Variants in SLC27A6 observed in about 807,000 individuals in gnomAD.
The protein encoded by SLC27A6 is long-chain fatty acid transport protein 6.
A neutral mutation model predicts 63.9 loss-of-function variants in SLC27A6; 74 were observed. The observed-to-expected ratio is 1.16, with a 90% CI of 0.96 to 1.40. The LOEUF is 1.40. Among genes scored for constraint, SLC27A6 ranks in the 40% most tolerant of loss-of-function variants. SLC27A6 has a pLI of 0.00. For missense variants in SLC27A6, 794 were observed against 732.9 expected (o/e 1.08, Z -0.96); for synonymous variants, 287 against 260.8 (o/e 1.10, Z -0.97).
At chr5:129,006,477 G>GTGTGTGT (rs1462252014) in intron 4 of SLC27A6, among the ~76,000 whole-genome samples, 2 of 151,102 alleles carry the variant, frequency 1.3e-5, no homozygotes, top group African/African-American at 2.4e-5. Flanking sequence ...GTGTGTGTGT[G>GTGTGTGT]TGTGTGTTGT....
chr5:129,019,677 T>A, intron 5 of SLC27A6, among the ~76,000 whole-genome samples: 1 of 150,036 alleles, frequency 6.7e-6, no homozygotes, highest in East Asian at 2.0e-4. Flanking sequence ...AAGAAAAAAA[T>A]AGAGGAAAAA....
chr5:128,994,792 T>G (rs1299300739), intron 4 of SLC27A6, among the ~76,000 whole-genome samples: 1 of 152,198 alleles, frequency 6.6e-6, no homozygotes, highest in Non-Finnish European at 1.5e-5. Context: ...AATGTTTATG[T>G]GTAGTTGCAC....
chr5:129,029,799 A>T, intron 9 of SLC27A6, 92 bp downstream of exon 9: 1 of 1,095,676 alleles, frequency 9.1e-7, no homozygotes, highest in Non-Finnish European at 1.3e-6. Context: ...TTTAGATAAC[A>T]TGTGAGTTAT....
At chr5:128,987,041 A>G (rs1750813738) in intron 2 of SLC27A6, among the ~76,000 whole-genome samples, 1 of 152,206 alleles carries the variant, frequency 6.6e-6, no homozygotes, top group Non-Finnish European at 1.5e-5. Flanking sequence ...AGAAGTCCTG[A>G]GACGTAATTC....
intron 1 of SLC27A6, among the ~76,000 whole-genome samples, chr5:128,969,544 A>G (rs1294547667): frequency 6.6e-6 from 1 of 152,080 alleles, no homozygotes. Flanking sequence ...ATGGGAGATC[A>G]CTCATGATTT....
chr5:128,990,205 T>C (rs1750929968), intron 3 of SLC27A6, 135 bp from the exon 4 acceptor site: 2 of 800,280 alleles, frequency 2.5e-6, no homozygotes, highest in South Asian at 2.0e-5. Context: ...GAGTTTGATA[T>C]AAATTATTGA....
chr5:128,993,779 A>G (rs1025809617), intron 4 of SLC27A6, among the ~76,000 whole-genome samples: 4 of 152,122 alleles, frequency 2.6e-5, no homozygotes, highest in African/African-American at 9.7e-5. Flanking sequence ...AGAACTGAGA[A>G]TTGAAAACAG....
chr5:128,983,521 C>T (rs1012335590), intron 1 of SLC27A6, among the ~76,000 whole-genome samples: 5 of 152,084 alleles, frequency 3.3e-5, no homozygotes, highest in Non-Finnish European at 5.9e-5. Context: ...TCTCGAACTC[C>T]TGACCTCAGG....
intron 1 of SLC27A6, among the ~76,000 whole-genome samples, chr5:128,984,694 C>T (rs987749470): frequency 3.9e-5 from 6 of 152,150 alleles, no homozygotes; most frequent in Admixed American, 2.0e-4. Flanking sequence ...TCAGAGCAGT[C>T]GGGGATTCTC....
At chr5:129,004,508 G>A (rs904663319) in intron 4 of SLC27A6, among the ~76,000 whole-genome samples, 1 of 152,162 alleles carries the variant, frequency 6.6e-6, no homozygotes, top group Non-Finnish European at 1.5e-5. Context: ...GTGTGAGTGT[G>A]TAGGTAGGTT....
chr5:128,979,679 C>G lies in SLC27A6; in HGVS notation c.482-5454C>G, dbSNP rs551131894. 3.3e-5 allele frequency among the ~76,000 whole-genome samples: 5 copies of G among 151,988 alleles called. No homozygotes were observed. In the South Asian group the frequency reaches 1.0e-3, roughly 32 times the overall value. ...TAGAAATAACATCAAATGAAGTGTT[C>G]GACTTTTTCTTTTTTGTATAATTTT... On this transcript the variant is annotated intron_variant, in intron 1 of 9. Coordinates refer to ENST00000262462, the MANE Select transcript of SLC27A6 (RefSeq NM_001017372.3).
chr5:129,028,503 T>G, intron 8 of SLC27A6, 61 bp downstream of exon 8: 1 of 983,512 alleles, frequency 1.0e-6, no homozygotes, highest in Non-Finnish European at 1.6e-6. Flanking sequence ...TATTCTCTAG[T>G]TTTGCAACAG....
chr5:129,023,775 C>CAAGGATACCAAGGGATGTCTG, intron 6 of SLC27A6, 65 bp downstream of exon 6: 1 of 1,133,300 alleles, frequency 8.8e-7, no homozygotes, highest in Non-Finnish European at 1.3e-6. Context: ...ACAGACATCC[C>CAAGGATACCAAGGGATGTCTG]TTGGTATCCT....
chr5:128,990,444 T>A lies in SLC27A6; in HGVS notation c.949T>A (p.Tyr317Asn). ...VFQYIGELCR[Y>N]LCKQSKREGE... ...TCAGTATATTGGAGAACTTTGTCGC[T>A]ACCTTTGCAAACAATCTAAGGTAGG... is the stretch of plus-strand genomic sequence containing the variant. The change falls in exon 4 of 10, where the codon TAC (tyrosine) becomes AAC (asparagine). Residue 317 changes from tyrosine (Y) to asparagine (N), a missense_variant. Transcript: ENST00000262462. 6.2e-7 allele frequency: 1 copy of A among 1,613,386 alleles called. No homozygotes were observed. Among genetic ancestry groups the A allele is most frequent in the Non-Finnish European group, 8.5e-7 (1 of 1,179,784 alleles).
intron 5 of SLC27A6, 93 bp from the exon 6 acceptor site, chr5:129,023,527 G>C: frequency 1.3e-6 from 1 of 758,510 alleles, no homozygotes; most frequent in Non-Finnish European, 2.2e-6. Flanking sequence ...AATTAGCATA[G>C]TCTACTACAG....
intron 5 of SLC27A6, among the ~76,000 whole-genome samples, chr5:129,016,834 T>C (rs149721668): frequency 1.2e-3 from 186 of 152,308 alleles, no homozygotes; most frequent in Admixed American, 9.2e-3. Flanking sequence ...CACTAAAATC[T>C]TAAAAGTAGC....
chr5:129,026,944 G>T (rs1194855206), intron 6 of SLC27A6, among the ~76,000 whole-genome samples, 189 bp from the exon 7 acceptor site: 1 of 151,942 alleles, frequency 6.6e-6, no homozygotes, highest in Non-Finnish European at 1.5e-5. Flanking sequence ...TTGTATTTGT[G>T]GTAATCTATG....
chr5:128,983,289 GTTT>G (rs1195794733), intron 1 of SLC27A6, among the ~76,000 whole-genome samples: 2 of 111,102 alleles, frequency 1.8e-5, no homozygotes, highest in Admixed American at 1.1e-4. Context: ...TCTGATCCGG[GTTT>G]TTTTTTTTTT....
intron 6 of SLC27A6, among the ~76,000 whole-genome samples, chr5:129,026,169 A>G (rs969910063): frequency 2.6e-5 from 4 of 152,076 alleles, no homozygotes; most frequent in African/African-American, 7.2e-5. Context: ...ATCACTCTGT[A>G]TCATAGTTTG....
Sources: allele counts gnomAD v4.1 joint callset (sites outside exome capture counted in the v4.1 genomes callset), GRCh38; gene constraint gnomAD v4.1.1; transcripts MANE v1.5; gene names NCBI Gene and HGNC (gene_info 2026-07-23, HGNC 2026-07-21).